MALRD1: variants seen among roughly 807,000 people sequenced by gnomAD.
MALRD1 encodes the protein MAM and LDL-receptor class A domain-containing protein 1.
Under a neutral mutation model 242.1 loss-of-function variants are expected in MALRD1, and 247 were observed. The observed-to-expected ratio is 1.02, with a 90% CI of 0.92 to 1.13. MALRD1 has a LOEUF of 1.13. Ranked by LOEUF, MALRD1 falls within the 50% of genes most tolerant of loss-of-function variation. The pLI, the probability that MALRD1 is intolerant of heterozygous loss-of-function variation, is 0.00. For synonymous variants in MALRD1, 995 were observed against 866.6 expected, an observed-to-expected ratio of 1.15 and a Z score of -2.60; for missense variants, 2,989 against 2,533.1, an observed-to-expected ratio of 1.18 and a Z score of -3.86.
chr10:19,524,274 G>T (rs1318127430), intron 31 of MALRD1, among the ~76,000 whole-genome samples: 2 of 152,056 alleles, frequency 1.3e-5, no homozygotes, highest in Non-Finnish European at 1.5e-5. Context: ...TCAGGAGTTC[G>T]AGATCAGCCT....
At chr10:19,112,598 A>G (rs368547213) in intron 5 of MALRD1, among the ~76,000 whole-genome samples, 8 of 152,174 alleles carry the variant, frequency 5.3e-5, no homozygotes, top group African/African-American at 1.4e-4. Context: ...GATGACCGTT[A>G]AAGGCCTGTA....
In MALRD1 at chr10:19,599,824, G is replaced by A. The variant is rs553872425; in HGVS notation, c.5944+4367G>A. Among the ~76,000 whole-genome samples, 58 of 152,178 alleles carry A rather than the reference G, an allele frequency of 3.8e-4. 1 individual carries two copies. The highest frequency in any genetic ancestry group is 1.3e-3 in the African/African-American group (56 of 41,534). On this transcript the variant is annotated intron_variant, in intron 34 of 39. Coordinates refer to ENST00000454679, the MANE Select transcript of MALRD1 (RefSeq NM_001142308.3). ...GGCATGACATTTAGTTAAGGCAAGC[G>A]GTTAGTCCATGCTGATCTCAAAGAG...
At chr10:19,325,175 A>T (rs1843073153) in intron 22 of MALRD1, among the ~76,000 whole-genome samples, 1 of 151,414 alleles carries the variant, frequency 6.6e-6, no homozygotes, top group African/African-American at 2.4e-5. Context: ...ATCAATGTGG[A>T]CTCATAAGTT....
chr10:19,368,865 TTGTGTATGTGTGTGTG>T (rs1845227754), intron 26 of MALRD1, among the ~76,000 whole-genome samples: 1 of 128,354 alleles, frequency 7.8e-6, no homozygotes, highest in Non-Finnish European at 1.6e-5. Context: ...TTTTGGTGAT[TTGTGTATGTGTGTGTG>T]TGTGTGTGTT....
chr10:19,284,855 T>G (rs1213239063), intron 21 of MALRD1, among the ~76,000 whole-genome samples: 13 of 23,160 alleles, frequency 5.6e-4, no homozygotes, highest in African/African-American at 3.4e-3. Context: ...TGAACTAGTT[T>G]ACAGTCCCAC....
chr10:19,550,628 G>A (rs574994608), intron 32 of MALRD1, among the ~76,000 whole-genome samples: 1 of 152,152 alleles, frequency 6.6e-6, no homozygotes, highest in South Asian at 2.1e-4. Context: ...AGTTTCCTGA[G>A]GATAATGGCT....
At chr10:19,269,313 A>G (rs1247008007) in intron 19 of MALRD1, among the ~76,000 whole-genome samples, 3 of 152,258 alleles carry the variant, frequency 2.0e-5, no homozygotes. Flanking sequence ...TAGTGCTCTT[A>G]CAAAAAGAGG....
chr10:19,354,284 T>G (rs1844525255), intron 26 of MALRD1, among the ~76,000 whole-genome samples: 1 of 152,192 alleles, frequency 6.6e-6, no homozygotes, highest in Non-Finnish European at 1.5e-5. Context: ...ATGATAATAT[T>G]TGAGGGTGTG....
At chr10:19,584,075 CT>C (rs1437093158) in intron 33 of MALRD1, among the ~76,000 whole-genome samples, 1 of 150,538 alleles carries the variant, frequency 6.6e-6, no homozygotes, top group African/African-American at 2.4e-5. Context: ...GTGATATCCC[CT>C]TTATCATTTT....
chr10:19,155,725 G>A (rs867808296), intron 12 of MALRD1, among the ~76,000 whole-genome samples: 8 of 152,230 alleles, frequency 5.3e-5, no homozygotes, highest in Middle Eastern at 3.4e-3. Flanking sequence ...TTGAGACGCA[G>A]TGTCTACACC....
chr10:19,623,317 G>T (rs79277106), intron 36 of MALRD1, among the ~76,000 whole-genome samples: 1 of 151,968 alleles, frequency 6.6e-6, no homozygotes, highest in Non-Finnish European at 1.5e-5. Context: ...GGGAAAGCCC[G>T]AATGTCACAG....
chr10:19,283,750 C>CA (rs1159775218), intron 21 of MALRD1, among the ~76,000 whole-genome samples: 2 of 152,212 alleles, frequency 1.3e-5, no homozygotes, highest in Non-Finnish European at 2.9e-5. Context: ...TAATGACTTT[C>CA]AACAATTTAC....
intron 19 of MALRD1, among the ~76,000 whole-genome samples, chr10:19,260,558 C>T (rs1839701280): frequency 1.3e-5 from 2 of 152,224 alleles, no homozygotes; most frequent in South Asian, 2.1e-4. Flanking sequence ...CTACAGGGAG[C>T]TCAGCAGGGG....
chr10:19,048,181 G>T (rs768004543), upstream of MALRD1, among the ~76,000 whole-genome samples: 4 of 152,120 alleles, frequency 2.6e-5, no homozygotes, highest in Non-Finnish European at 4.4e-5. Flanking sequence ...TTAGCAGCAG[G>T]ATATTTGAGC....
intron 28 of MALRD1, among the ~76,000 whole-genome samples, chr10:19,449,618 G>A (rs1034210259): frequency 3.9e-5 from 6 of 152,100 alleles, no homozygotes; most frequent in Non-Finnish European, 8.8e-5. Context: ...TTTTTTGAGG[G>A]AAGCAAGAAT....
chr10:19,466,227 C>G (rs961107519), intron 29 of MALRD1, among the ~76,000 whole-genome samples: 14 of 152,014 alleles, frequency 9.2e-5, no homozygotes, highest in Admixed American at 2.6e-4. Flanking sequence ...ACTATATTAA[C>G]CTTTTTTATA....
chr10:19,295,864 G>A (rs1294063414), intron 21 of MALRD1, among the ~76,000 whole-genome samples: 2 of 152,138 alleles, frequency 1.3e-5, no homozygotes, highest in African/African-American at 4.8e-5. Context: ...TTCTGATTTA[G>A]TAGGTCTGGG....
At chr10:19,079,666 G>A (rs960747438) in intron 2 of MALRD1, among the ~76,000 whole-genome samples, 6 of 151,768 alleles carry the variant, frequency 4.0e-5, no homozygotes, top group African/African-American at 9.7e-5. Context: ...CTGTTTTTAC[G>A]TGCAGAGATG....
chr10:19,347,458 T>A (rs1021656331), intron 24 of MALRD1, among the ~76,000 whole-genome samples: 1 of 152,090 alleles, frequency 6.6e-6, no homozygotes, highest in African/African-American at 2.4e-5. Flanking sequence ...CTGAGAAGCA[T>A]AGATGAGAAG....
Sources: gnomAD v4.1 joint callset for allele counts (sites outside exome capture counted in the v4.1 genomes callset) on GRCh38, gnomAD v4.1.1 for gene constraint, MANE v1.5 for transcripts, NCBI Gene and HGNC (gene_info 2026-07-23, HGNC 2026-07-21) for gene names.